The following TRAPPC9 variants were observed in gnomAD, a reference collection of about 807,000 sequenced individuals.
TRAPPC9 encodes IKK2 binding protein.
In TRAPPC9, 83 loss-of-function variants were observed where a neutral mutation model predicts 124.0. The ratio of observed to expected loss-of-function variants is 0.67; its 90% CI spans 0.56 to 0.80. The LOEUF is 0.80. Among genes scored for constraint, TRAPPC9 ranks in the 30% least tolerant of loss-of-function variants. The pLI is 0.00. For synonymous variants in TRAPPC9, 638 were observed against 617.5 expected, an observed-to-expected ratio of 1.03 and a Z score of -0.49; for missense variants, 1,302 against 1,508.3, an observed-to-expected ratio of 0.86 and a Z score of 2.27.
chr8:139,855,657 G>C (rs1414864596), intron 21 of TRAPPC9, among the ~76,000 whole-genome samples: 1 of 152,178 alleles, frequency 6.6e-6, no homozygotes, highest in Non-Finnish European at 1.5e-5. Flanking sequence ...CCAGGCCCTG[G>C]CGCCTCTCTC....
chr8:139,807,576 C>T (rs2242181), intron 21 of TRAPPC9, among the ~76,000 whole-genome samples: 69,291 of 152,068 alleles, frequency 0.46, 16,384 homozygotes, highest in Non-Finnish European at 0.52. Context: ...CGACAGGAGA[C>T]GTCCTCAACA....
At chr8:140,091,931 C>G (rs1351716712) in intron 17 of TRAPPC9, among the ~76,000 whole-genome samples, 2 of 151,962 alleles carry the variant, frequency 1.3e-5, no homozygotes, top group African/African-American at 4.8e-5. Context: ...CTCTGCAGAC[C>G]CATCTCCCGC....
chr8:140,233,765 A>C (rs1452356412), intron 16 of TRAPPC9, among the ~76,000 whole-genome samples: 1 of 151,598 alleles, frequency 6.6e-6, no homozygotes, highest in Admixed American at 6.6e-5. Context: ...AAAAAAAAAA[A>C]AAAACCTTTT....
chr8:140,082,376 T>C lies in TRAPPC9; in HGVS notation c.2557-58297A>G, dbSNP rs1400293166. On this transcript the variant is annotated intron_variant, in intron 17 of 22. Transcript: ENST00000438773. ...AATCATTTTTTTTCCTCGACACAAA[T>C]ATAACTCCATCCCAGCTTGCCCCAG... Among the ~76,000 whole-genome samples, 6 of 152,180 alleles carry C rather than the reference T, an allele frequency of 3.9e-5. No individual in the cohort carries two copies. The East Asian group carries it at 1.2e-3, about 29-fold the overall frequency.
chr8:140,007,571 A>G (rs1489860910), intron 18 of TRAPPC9, among the ~76,000 whole-genome samples: 1 of 152,234 alleles, frequency 6.6e-6, no homozygotes, highest in Non-Finnish European at 1.5e-5. Flanking sequence ...TAAAAATGCA[A>G]AATGCAAGAA....
rs549402444 is a variant in TRAPPC9, at chr8:140,284,222, A to G, written c.1982-201T>C. The stretch of plus-strand genomic sequence containing the variant: ...CCTCGTACGTGATGGGGAGGATAAC[A>G]GCATCTGCATTCCTGTTTCACAAGG... On this transcript the variant is annotated intron_variant, in intron 13 of 22. Transcript: ENST00000438773. Among the ~76,000 whole-genome samples, 32 of 152,326 alleles carry G rather than the reference A, an allele frequency of 2.1e-4. No homozygotes were observed. The East Asian group carries it at 5.8e-3, about 28-fold the overall frequency.
intron 19 of TRAPPC9, among the ~76,000 whole-genome samples, chr8:139,973,420 C>T (rs892035824): frequency 4.0e-5 from 6 of 150,460 alleles, no homozygotes; most frequent in Admixed American, 4.0e-4. Flanking sequence ...AGGGCCGTGG[C>T]ACCCACCCTG....
chr8:140,419,059 G>A (rs950769014), intron 5 of TRAPPC9, among the ~76,000 whole-genome samples: 5 of 144,694 alleles, frequency 3.5e-5, no homozygotes, highest in Non-Finnish European at 7.7e-5. Flanking sequence ...TTTGGGAGGC[G>A]GAGGCGGGTG....
At chr8:139,757,680 A>C (rs1231596899) in intron 21 of TRAPPC9, among the ~76,000 whole-genome samples, 1 of 152,068 alleles carries the variant, frequency 6.6e-6, no homozygotes, top group African/African-American at 2.4e-5. Context: ...CAGCCCAGGC[A>C]TCATTCACTT....
At chr8:140,444,252 T>G (rs556662964) in intron 2 of TRAPPC9, among the ~76,000 whole-genome samples, 1 of 150,980 alleles carries the variant, frequency 6.6e-6, no homozygotes, top group African/African-American at 2.4e-5. Flanking sequence ...CAATAGTAAC[T>G]ACAATGTTCA....
At chr8:140,076,584 C>A (rs571722435) in intron 17 of TRAPPC9, among the ~76,000 whole-genome samples, 7 of 152,328 alleles carry the variant, frequency 4.6e-5, no homozygotes, top group Non-Finnish European at 8.8e-5. Context: ...GGGGCCCATC[C>A]CCTCTGGGTG....
intron 9 of TRAPPC9, 82 bp from the exon 10 acceptor site, chr8:140,311,456 A>T: frequency 6.5e-7 from 1 of 1,540,350 alleles, no homozygotes; most frequent in Non-Finnish European, 8.9e-7. Flanking sequence ...GGGGCATTTC[A>T]TGACAGTCCA....
chr8:140,413,610 T>C (rs904533363), intron 5 of TRAPPC9, among the ~76,000 whole-genome samples: 2 of 148,888 alleles, frequency 1.3e-5, no homozygotes, highest in Non-Finnish European at 3.0e-5. Flanking sequence ...ACTGCACCCA[T>C]TAACTCGTCA....
chr8:140,364,290 T>A (rs1403277847), intron 8 of TRAPPC9, among the ~76,000 whole-genome samples: 8 of 80,846 alleles, frequency 9.9e-5, no homozygotes, highest in Admixed American at 1.5e-4. Flanking sequence ...ATTCAAAGGA[T>A]GCAAAAAAAA....
intron 10 of TRAPPC9, among the ~76,000 whole-genome samples, chr8:140,301,663 C>T (rs1402590208): frequency 6.6e-6 from 1 of 152,188 alleles, no homozygotes; most frequent in Admixed American, 6.5e-5. Flanking sequence ...TGACACTGAT[C>T]GTGATAAATC....
At chr8:140,290,608 G>A (rs542581505) in intron 12 of TRAPPC9, among the ~76,000 whole-genome samples, 51 of 152,112 alleles carry the variant, frequency 3.4e-4, no homozygotes, top group Non-Finnish European at 2.1e-4. Flanking sequence ...TTCTTCCCTG[G>A]GGCCTTGGTC....
chr8:140,022,912 A>G (rs529047153), intron 18 of TRAPPC9, among the ~76,000 whole-genome samples: 1 of 152,308 alleles, frequency 6.6e-6, no homozygotes, highest in East Asian at 1.9e-4. Context: ...TTTCCTATAA[A>G]CTAAAACCAC....
intron 9 of TRAPPC9, among the ~76,000 whole-genome samples, chr8:140,330,369 G>C (rs780337715): frequency 6.6e-6 from 1 of 152,186 alleles, no homozygotes; most frequent in Non-Finnish European, 1.5e-5. Context: ...AAGAAGATCT[G>C]TCATGTAACA....
intron 19 of TRAPPC9, among the ~76,000 whole-genome samples, chr8:139,912,285 C>A (rs1174519141): frequency 6.6e-6 from 1 of 152,082 alleles, no homozygotes; most frequent in East Asian, 1.9e-4. Context: ...AGTTTGAAGT[C>A]TTGTTTTATT....
Sources: gnomAD v4.1 joint callset for allele counts (sites outside exome capture counted in the v4.1 genomes callset) on GRCh38, gnomAD v4.1.1 for gene constraint, MANE v1.5 for transcripts, NCBI Gene and HGNC (gene_info 2026-07-23, HGNC 2026-07-21) for gene names.